PSMA1: variants seen among roughly 807,000 people sequenced by gnomAD.
The protein encoded by PSMA1 is proteasome subunit alpha type-1.
PSMA1 carries 3 observed loss-of-function variants against 38.4 expected under a neutral mutation model. That is an observed-to-expected ratio of 0.08 (90% CI 0.04 to 0.20). PSMA1 has a LOEUF of 0.20. Among genes scored for constraint, PSMA1 ranks in the 10% least tolerant of loss-of-function variants. PSMA1 has a pLI of 1.00. For missense variants in PSMA1, 227 were observed against 325.3 expected (o/e 0.70, Z 2.32); for synonymous variants, 101 against 107.1 (o/e 0.94, Z 0.35).
chr11:14,571,163 C>T (rs1358316947), intron 2 of PSMA1, among the ~76,000 whole-genome samples: 4 of 152,178 alleles, frequency 2.6e-5, no homozygotes, highest in South Asian at 2.1e-4. Flanking sequence ...CCCAGGTTCT[C>T]GCCATTCTCC....
intron 2 of PSMA1, among the ~76,000 whole-genome samples, chr11:14,571,746 A>C (rs1852143768): frequency 6.6e-6 from 1 of 152,234 alleles, no homozygotes; most frequent in Non-Finnish European, 1.5e-5. Flanking sequence ...AAGACCCATC[A>C]GTGTGCTGTA....
chr11:14,613,792 C>T (rs1852737135), intron 1 of PSMA1, among the ~76,000 whole-genome samples: 1 of 152,146 alleles, frequency 6.6e-6, no homozygotes, highest in Non-Finnish European at 1.5e-5. Context: ...AAAGGAGAAA[C>T]AGGCAGTTGT....
At chr11:14,625,910 A>G (rs1339687203) in intron 1 of PSMA1, among the ~76,000 whole-genome samples, 2 of 152,316 alleles carry the variant, frequency 1.3e-5, no homozygotes, top group Middle Eastern at 3.4e-3. Flanking sequence ...AGGGAATAAG[A>G]CCTTAGCTAA....
At chr11:14,538,910 T>C (rs999831221) in intron 2 of PSMA1, among the ~76,000 whole-genome samples, 1 of 152,254 alleles carries the variant, frequency 6.6e-6, no homozygotes, top group African/African-American at 2.4e-5. Flanking sequence ...TGACAAGACT[T>C]ACATTTAGCA....
chr11:14,560,664 T>G (rs2134172923), intron 2 of PSMA1, among the ~76,000 whole-genome samples: 1 of 152,330 alleles, frequency 6.6e-6, no homozygotes, highest in South Asian at 2.1e-4. Flanking sequence ...CTCCTACTTC[T>G]TACTTTTGGT....
intron 2 of PSMA1, among the ~76,000 whole-genome samples, chr11:14,531,241 T>A (rs955978504): frequency 6.6e-6 from 1 of 152,194 alleles, no homozygotes; most frequent in Non-Finnish European, 1.5e-5. Flanking sequence ...GATTTCATCA[T>A]GCACATAGTG....
intron 2 of PSMA1, among the ~76,000 whole-genome samples, chr11:14,586,523 C>T (rs1487979841): frequency 6.6e-6 from 1 of 151,930 alleles, no homozygotes. Flanking sequence ...ATTCTTTATA[C>T]TGTACACATA....
chr11:14,527,199 C>T lies in PSMA1; in HGVS notation c.22-8158G>A, dbSNP rs910632516. Among the ~76,000 whole-genome samples, 9 of 152,054 alleles carry T rather than the reference C, an allele frequency of 5.9e-5. 1 individual carries two copies. Among genetic ancestry groups the T allele is most frequent in the East Asian group, 1.9e-4 (1 of 5,200 alleles). ...CATCAGATTCCATCACTCAGGGCAA[C>T]GCTTATGCTGATAAGGTAGCTAAAG... On this transcript the variant is annotated intron_variant, in intron 2 of 10. Transcript: ENST00000418988.
At chr11:14,508,284 A>T (rs945723916) in intron 8 of PSMA1, among the ~76,000 whole-genome samples, 2 of 152,082 alleles carry the variant, frequency 1.3e-5, no homozygotes, top group African/African-American at 4.8e-5. Context: ...AAGCAATTAG[A>T]AGAGAACTTT....
intron 1 of PSMA1, among the ~76,000 whole-genome samples, chr11:14,627,075 C>T (rs890894163): frequency 2.0e-5 from 3 of 152,112 alleles, no homozygotes; most frequent in Non-Finnish European, 2.9e-5. Flanking sequence ...CCTGGTGTCT[C>T]TTCCTCTTCT....
intron 2 of PSMA1, among the ~76,000 whole-genome samples, chr11:14,550,764 T>C (rs1337541983): frequency 1.3e-5 from 2 of 151,974 alleles, no homozygotes; most frequent in Admixed American, 6.6e-5. Context: ...AACCTTATAA[T>C]TTATTATTAT....
At chr11:14,599,428 T>C (rs1394889781) in intron 2 of PSMA1, among the ~76,000 whole-genome samples, 2 of 152,238 alleles carry the variant, frequency 1.3e-5, no homozygotes, top group Non-Finnish European at 2.9e-5. Context: ...TTGGAGGCTT[T>C]GTTCATTTCT....
intron 2 of PSMA1, among the ~76,000 whole-genome samples, chr11:14,583,328 G>T (rs754781932): frequency 6.6e-6 from 1 of 152,080 alleles, no homozygotes; most frequent in African/African-American, 2.4e-5. Flanking sequence ...TTCCATTGAC[G>T]TCAGGCCGTT....
At chr11:14,631,071 T>C (rs1309074734) in intron 1 of PSMA1, among the ~76,000 whole-genome samples, 1 of 152,128 alleles carries the variant, frequency 6.6e-6, no homozygotes, top group Non-Finnish European at 1.5e-5. Flanking sequence ...TCTTTATTAG[T>C]CTTGCTAGCG....
rs1392397450 is a variant in PSMA1, at chr11:14,534,110, G to A, written c.22-15069C>T. Among the ~76,000 whole-genome samples the A allele has an allele frequency of 6.6e-6, 1 of 152,164 alleles. No homozygotes were observed. The highest frequency in any genetic ancestry group is 1.5e-5 in the Non-Finnish European group (1 of 68,034). On this transcript the variant is annotated intron_variant, in intron 2 of 10. Transcript: ENST00000418988. This position sits in a 1 kb window ranked among gnomAD's most constrained non-coding sequence, Gnocchi z 4.5. ...GCAGGAGAATCACTTGAACCCAGGA[G>A]GTGGAGGTTGCAGTGAGCCGAAATT...
At chr11:14,520,151 G>A (rs1053482382) in intron 1 of PSMA1, 146 bp downstream of exon 1, 2 of 1,301,806 alleles carry the variant, frequency 1.5e-6, no homozygotes, top group East Asian at 2.3e-5. Context: ...CGGAGATGCT[G>A]AATCACTGCC....
In PSMA1 at chr11:14,547,071, A is replaced by G. The variant is rs372825640; in HGVS notation, c.22-28030T>C. On this transcript the variant is annotated intron_variant, in intron 2 of 10. Transcript: ENST00000418988. ...ACAACAAATATCAGATGATTACAATATGCATACACAAATACAGTAAAATAA... is the reference window on the plus strand; with the variant it reads ...ACAACAAATATCAGATGATTACAATGTGCATACACAAATACAGTAAAATAA... Among the ~76,000 whole-genome samples, 22 of 152,354 alleles carry G rather than the reference A, an allele frequency of 1.4e-4. No homozygotes were observed. The South Asian group carries it at 4.6e-3, about 32-fold the overall frequency.
At chr11:14,507,568 A>T in intron 9 of PSMA1, 88 bp downstream of exon 9, 1 of 925,040 alleles carries the variant, frequency 1.1e-6, no homozygotes, top group Non-Finnish European at 1.7e-6. Context: ...TTCAATATTT[A>T]AGACAAAATG....
At chr11:14,609,725 T>C (rs1590009783) in intron 2 of PSMA1, among the ~76,000 whole-genome samples, 1 of 151,890 alleles carries the variant, frequency 6.6e-6, no homozygotes, top group Non-Finnish European at 1.5e-5. Flanking sequence ...GTGGCTGGAG[T>C]GCAGTGAGCA....
Sources: gnomAD v4.1 joint callset for allele counts (sites outside exome capture counted in the v4.1 genomes callset) on GRCh38, gnomAD v4.1.1 for gene constraint, Gnocchi (gnomAD v3.1) non-coding constraint, MANE v1.5 for transcripts, NCBI Gene and HGNC (gene_info 2026-07-23, HGNC 2026-07-21) for gene names.